The following NARS2 variants were observed in gnomAD, a reference collection of about 807,000 sequenced individuals.
NARS2 encodes asparaginyl-tRNA synthetase.
Under a neutral mutation model 62.9 loss-of-function variants are expected in NARS2, and 60 were observed. That is an observed-to-expected ratio of 0.95 (90% CI 0.77 to 1.18). The LOEUF (loss-of-function observed/expected upper bound fraction) is 1.18, where lower values mean the gene tolerates loss of function less well. Ranked by LOEUF, NARS2 falls within the 50% of genes most tolerant of loss-of-function variation. The pLI, the probability that NARS2 is intolerant of heterozygous loss-of-function variation, is 0.00. For missense variants in NARS2, 619 were observed against 576.4 expected (o/e 1.07, Z -0.76); for synonymous variants, 196 against 200.0 (o/e 0.98, Z 0.17).
chr11:78,477,952 C>A (rs144987504), intron 9 of NARS2, among the ~76,000 whole-genome samples: 1 of 152,140 alleles, frequency 6.6e-6, no homozygotes. Context: ...CGCCCTCAAA[C>A]GTGGTTGGTC....
intron 11 of NARS2, among the ~76,000 whole-genome samples, chr11:78,444,643 C>A (rs1298614176): frequency 6.7e-6 from 1 of 149,482 alleles, no homozygotes; most frequent in Admixed American, 6.8e-5. Context: ...TGCTTAAACC[C>A]AGGAGGTGGA....
chr11:78,439,614 T>C lies in NARS2; in HGVS notation c.1289+1477A>G, dbSNP rs139563534. Among the ~76,000 whole-genome samples the C allele has an allele frequency of 1.7e-3, 264 of 152,270 alleles. 1 individual carries two copies. Among genetic ancestry groups the C allele is most frequent in the African/African-American group, 5.9e-3 (244 of 41,546 alleles). On this transcript the variant is annotated intron_variant, in intron 13 of 13. Coordinates refer to ENST00000281038, the MANE Select transcript of NARS2 (RefSeq NM_024678.6). ...GCCAAAAAAACAAGACTCGGAGAGATTAAATATGCCTAAGGTCATTACTGG... is the reference window on the plus strand; with the variant it reads ...GCCAAAAAAACAAGACTCGGAGAGACTAAATATGCCTAAGGTCATTACTGG...
At chr11:78,517,223 T>C (rs1433458210) in intron 6 of NARS2, among the ~76,000 whole-genome samples, 1 of 152,200 alleles carries the variant, frequency 6.6e-6, no homozygotes, top group Non-Finnish European at 1.5e-5. Context: ...GAATTTAGAA[T>C]GATTTCCATA....
At chr11:78,558,682 C>T (rs1856452349) in intron 5 of NARS2, 4 of 152,130 alleles carry the variant, frequency 2.6e-5, no homozygotes, top group African/African-American at 9.7e-5. Context: ...AAAATATCTG[C>T]AGTAAGGGCA....
At chr11:78,499,318 T>G (rs1259521419) in intron 6 of NARS2, among the ~76,000 whole-genome samples, 10 of 152,076 alleles carry the variant, frequency 6.6e-5, no homozygotes, top group Non-Finnish European at 1.5e-4. Context: ...TGCACTTTTT[T>G]TAAGAGATGG....
intron 11 of NARS2, among the ~76,000 whole-genome samples, chr11:78,448,438 A>G (rs865958291): frequency 1.3e-5 from 2 of 151,428 alleles, no homozygotes; most frequent in Non-Finnish European, 2.9e-5. Context: ...TTACAGGCAC[A>G]TGCCACCGTG....
At chr11:78,512,877 C>T (rs892362476) in intron 6 of NARS2, among the ~76,000 whole-genome samples, 8 of 152,142 alleles carry the variant, frequency 5.3e-5, no homozygotes, top group East Asian at 1.9e-4. Context: ...AATCACATCA[C>T]GGAATATTGG....
intron 6 of NARS2, among the ~76,000 whole-genome samples, chr11:78,517,503 C>G (rs1299518749): frequency 6.6e-6 from 1 of 152,152 alleles, no homozygotes; most frequent in Non-Finnish European, 1.5e-5. Flanking sequence ...TATTTCCACT[C>G]CAACAATTTT....
chr11:78,523,758 G>C (rs1861207368), intron 6 of NARS2, among the ~76,000 whole-genome samples: 1 of 152,154 alleles, frequency 6.6e-6, no homozygotes, highest in Admixed American at 6.5e-5. Context: ...AAATATTCCA[G>C]AATAGGTAAA....
At chr11:78,476,893 TA>T (rs776644163) in intron 9 of NARS2, among the ~76,000 whole-genome samples, 2 of 152,212 alleles carry the variant, frequency 1.3e-5, no homozygotes, top group African/African-American at 4.8e-5. Context: ...AATCTCAGGT[TA>T]AAAGTCTGAG....
intron 10 of NARS2, 135 bp from the exon 11 acceptor site, chr11:78,466,148 T>C (rs1056855697): frequency 1.9e-5 from 16 of 853,902 alleles, no homozygotes; most frequent in Non-Finnish European, 2.8e-5. Context: ...GCTGCTAAGG[T>C]TACACAGCTG....
intron 5 of NARS2, among the ~76,000 whole-genome samples, chr11:78,538,814 T>A (rs1180515326): frequency 6.6e-6 from 1 of 150,836 alleles, no homozygotes; most frequent in African/African-American, 2.4e-5. Flanking sequence ...GCTAACACGG[T>A]GAAACCCCGT....
intron 12 of NARS2, 43 bp from the exon 13 acceptor site, chr11:78,441,160 G>C (rs1339056392): frequency 6.4e-7 from 1 of 1,569,140 alleles, no homozygotes; most frequent in Non-Finnish European, 8.7e-7. Flanking sequence ...ACGGCAATAA[G>C]ATAAATATTA....
chr11:78,451,014 T>G (rs1248323751), intron 11 of NARS2, among the ~76,000 whole-genome samples: 1 of 152,162 alleles, frequency 6.6e-6, no homozygotes, highest in Non-Finnish European at 1.5e-5. Flanking sequence ...GTAACATTCT[T>G]CTTTTCTCTT....
intron 10 of NARS2, among the ~76,000 whole-genome samples, chr11:78,468,222 C>A (rs115144143): frequency 0.014 from 2,077 of 143,778 alleles, 51 homozygotes; most frequent in African/African-American, 0.051. Context: ...AACAAAAAAA[C>A]CCCAGTATTT....
intron 7 of NARS2, among the ~76,000 whole-genome samples, chr11:78,480,454 CA>C (rs1859300242): frequency 6.6e-6 from 1 of 151,910 alleles, no homozygotes; most frequent in Non-Finnish European, 1.5e-5. Context: ...GGGGTTTCAC[CA>C]TGTTGGCCAG....
intron 6 of NARS2, among the ~76,000 whole-genome samples, chr11:78,510,912 T>C (rs1462600325): frequency 6.6e-6 from 1 of 152,080 alleles, no homozygotes; most frequent in African/African-American, 2.4e-5. Context: ...AAAGAATAAA[T>C]ACCATACGAT....
chr11:78,443,691 C>A lies in NARS2; in HGVS notation c.1232G>T (p.Arg411Leu). ...ELFGGGLREE[R>L]YHFLEERLAR... ...TAAGCGCTCCTCTAAGAAATGGTAT[C>A]GTTCTTCTCTGAGGCCTCCTCCAAA... Residue 411 changes from arginine (R) to leucine (L), a missense_variant, in exon 12 of 14, where the codon CGA becomes CTA. Physicochemically the swap from Arg to Leu is moderately radical, Grantham distance 102. Transcript: ENST00000281038. 1 of 1,613,334 alleles carries A rather than the reference C, an allele frequency of 6.2e-7. No individual in the cohort carries two copies. The highest frequency in any genetic ancestry group is 8.5e-7 in the Non-Finnish European group (1 of 1,179,472).
intron 8 of NARS2, 21 bp from the exon 9 acceptor site, chr11:78,478,496 G>GA: frequency 8.2e-7 from 1 of 1,214,396 alleles, no homozygotes. Context: ...AGACAAAAAA[G>GA]AAAATTTTAA....
Sources: gnomAD v4.1 joint callset for allele counts (sites outside exome capture counted in the v4.1 genomes callset) on GRCh38, gnomAD v4.1.1 for gene constraint, MANE v1.5 for transcripts, NCBI Gene and HGNC (gene_info 2026-07-23, HGNC 2026-07-21) for gene names.